Variants in PDE4D observed in about 807,000 individuals in gnomAD.
PDE4D encodes phosphodiesterase 4D.
PDE4D carries 24 observed loss-of-function variants against 87.4 expected under a neutral mutation model. The ratio of observed to expected loss-of-function variants is 0.27; its 90% CI spans 0.20 to 0.39. The LOEUF is 0.39. Among genes scored for constraint, PDE4D ranks in the 10% least tolerant of loss-of-function variants. PDE4D has a pLI of 1.00. For missense variants in PDE4D, 714 were observed against 1,041.0 expected, an observed-to-expected ratio of 0.69 and a Z score of 4.32; for synonymous variants, 384 against 383.2, an observed-to-expected ratio of 1.00 and a Z score of -0.02.
chr5:59,029,934 A>G (rs989514382), intron 6 of PDE4D, among the ~76,000 whole-genome samples: 3 of 152,082 alleles, frequency 2.0e-5, no homozygotes, highest in African/African-American at 4.8e-5. Flanking sequence ...CACACAATGG[A>G]GAGAGGACAG....
At chr5:59,043,937 T>C (rs1460552029) in intron 5 of PDE4D, among the ~76,000 whole-genome samples, 2 of 152,246 alleles carry the variant, frequency 1.3e-5, no homozygotes, top group Non-Finnish European at 2.9e-5. Flanking sequence ...TGCCACATTT[T>C]CTTAATCCAG....
intron 1 of PDE4D, among the ~76,000 whole-genome samples, chr5:60,465,312 CTAAG>C (rs987799083): frequency 1.3e-5 from 2 of 151,996 alleles, no homozygotes; most frequent in Admixed American, 6.6e-5. Flanking sequence ...GATCATTTTC[CTAAG>C]TTAGTTTAAA....
chr5:59,199,895 T>C (rs970718524), intron 2 of PDE4D, among the ~76,000 whole-genome samples: 3 of 151,894 alleles, frequency 2.0e-5, no homozygotes, highest in East Asian at 1.9e-4. Context: ...CACATGTACA[T>C]ATATACATAT....
At chr5:59,877,808 G>T (rs1436224360) in intron 1 of PDE4D, among the ~76,000 whole-genome samples, 2 of 151,642 alleles carry the variant, frequency 1.3e-5, no homozygotes, top group African/African-American at 4.9e-5. Flanking sequence ...GACAAAGCAA[G>T]ATTCTGCCAA....
chr5:59,784,389 C>T (rs1417954685), intron 1 of PDE4D, among the ~76,000 whole-genome samples: 13 of 152,082 alleles, frequency 8.5e-5, no homozygotes, highest in Admixed American at 8.5e-4. Flanking sequence ...AAATTCCTCT[C>T]AATTCTTTCT....
chr5:59,886,922 GAA>G (rs34893959), intron 1 of PDE4D, among the ~76,000 whole-genome samples: 2 of 144,570 alleles, frequency 1.4e-5, no homozygotes, highest in Non-Finnish European at 1.5e-5. Flanking sequence ...AGCCTGGGGT[GAA>G]AAAAAAAAAG....
chr5:59,104,575 G>A (rs549127883), intron 5 of PDE4D, among the ~76,000 whole-genome samples: 4 of 152,208 alleles, frequency 2.6e-5, no homozygotes, highest in South Asian at 4.1e-4. Context: ...TCACAACAGC[G>A]GCAAGGAAAC....
intron 1 of PDE4D, among the ~76,000 whole-genome samples, chr5:59,574,114 AT>A (rs1822599424): frequency 7.9e-4 from 3 of 3,778 alleles, no homozygotes; most frequent in African/African-American, 1.5e-3. Flanking sequence ...TTATATATAT[AT>A]ATAAATATAT....
intron 1 of PDE4D, among the ~76,000 whole-genome samples, chr5:59,575,102 G>C (rs980655530): frequency 3.9e-5 from 6 of 152,202 alleles, no homozygotes; most frequent in South Asian, 2.1e-4. Context: ...AGATGAGGCA[G>C]AGCTTTATGC....
chr5:60,436,814 ATAACGGGAAAATTCAGCACTGTTTT>A (rs1360738496), intron 1 of PDE4D, among the ~76,000 whole-genome samples: 2 of 152,104 alleles, frequency 1.3e-5, no homozygotes, highest in East Asian at 3.9e-4. Context: ...AATGGGCTAA[ATAACGGGAAAATTCAGCACTGTTTT>A]TAAGTGCTGA....
intron 1 of PDE4D, among the ~76,000 whole-genome samples, chr5:59,568,619 T>TTACC (rs1821334143): frequency 6.6e-6 from 1 of 152,112 alleles, no homozygotes; most frequent in African/African-American, 2.4e-5. Flanking sequence ...AAATGGCACA[T>TTACC]TACCCTCTGT....
At chr5:59,159,587 C>A (rs1780744972) in intron 5 of PDE4D, among the ~76,000 whole-genome samples, 1 of 152,018 alleles carries the variant, frequency 6.6e-6, no homozygotes, top group Non-Finnish European at 1.5e-5. Context: ...ACTTACTTAT[C>A]CAGATTAATT....
chr5:60,137,317 G>A (rs1199812554), intron 2 of PDE4D, among the ~76,000 whole-genome samples: 1 of 152,184 alleles, frequency 6.6e-6, no homozygotes, highest in Non-Finnish European at 1.5e-5. Context: ...TATATACCCA[G>A]TAATGGGACT....
At chr5:60,485,385 C>CA (rs1454708859) in intron 1 of PDE4D, among the ~76,000 whole-genome samples, 1 of 136,600 alleles carries the variant, frequency 7.3e-6, no homozygotes, top group East Asian at 2.1e-4. Flanking sequence ...TTTCCAAAAA[C>CA]AAAATTCACC....
At chr5:60,149,893 T>C (rs1781348879) in intron 2 of PDE4D, among the ~76,000 whole-genome samples, 1 of 147,450 alleles carries the variant, frequency 6.8e-6, no homozygotes, top group East Asian at 2.0e-4. Flanking sequence ...CAAGTACATA[T>C]TATATATACT....
At chr5:59,610,806 G>A (rs1828903113) in intron 1 of PDE4D, among the ~76,000 whole-genome samples, 1 of 152,166 alleles carries the variant, frequency 6.6e-6, no homozygotes, top group Non-Finnish European at 1.5e-5. Context: ...AGTCTGTAAG[G>A]CTATGGAGAA....
intron 2 of PDE4D, among the ~76,000 whole-genome samples, chr5:59,210,739 G>A (rs116287751): frequency 1.6e-3 from 247 of 152,258 alleles, no homozygotes; most frequent in African/African-American, 3.3e-3. Flanking sequence ...GTGAAGAGCC[G>A]ATTGGATCAT....
At chr5:60,157,728 T>G (rs187060911) in intron 2 of PDE4D, among the ~76,000 whole-genome samples, 2 of 152,330 alleles carry the variant, frequency 1.3e-5, no homozygotes, top group East Asian at 1.9e-4. Context: ...TCTTCTCAGA[T>G]AGTGCAATGA....
chr5:59,056,392 G>A (rs1008652681), intron 5 of PDE4D, among the ~76,000 whole-genome samples: 7 of 152,218 alleles, frequency 4.6e-5, no homozygotes, highest in East Asian at 1.9e-4. Flanking sequence ...CCGACTGGAC[G>A]CTGAGACAAT....
Sources: gnomAD v4.1 joint callset for allele counts (sites outside exome capture counted in the v4.1 genomes callset) on GRCh38, gnomAD v4.1.1 for gene constraint, MANE v1.5 for transcripts, NCBI Gene and HGNC (gene_info 2026-07-23, HGNC 2026-07-21) for gene names.